SLC16A14: variants seen among roughly 807,000 people sequenced by gnomAD.
SLC16A14 encodes solute carrier family 16 member 14, also known as monocarboxylate transporter 14.
Under a neutral mutation model 35.8 loss-of-function variants are expected in SLC16A14, and 14 were observed. That is an observed-to-expected ratio of 0.39 (90% CI 0.26 to 0.61). The LOEUF (loss-of-function observed/expected upper bound fraction) is 0.61, where lower values mean the gene tolerates loss of function less well. SLC16A14 is among the 20% of genes least tolerant of loss of function. SLC16A14 has a pLI of 0.51. For synonymous variants in SLC16A14, 248 were observed against 258.9 expected, an observed-to-expected ratio of 0.96 and a Z score of 0.40; for missense variants, 533 against 655.0, an observed-to-expected ratio of 0.81 and a Z score of 2.03.
chr2:230,047,235 C>G (rs1011304835), intron 3 of SLC16A14, among the ~76,000 whole-genome samples: 1 of 152,010 alleles, frequency 6.6e-6, no homozygotes, highest in African/African-American at 2.4e-5. Flanking sequence ...CACAAAAATC[C>G]CACTGCTAGC....
chr2:230,058,055 T>C (rs2077720390), intron 2 of SLC16A14, among the ~76,000 whole-genome samples: 1 of 151,916 alleles, frequency 6.6e-6, no homozygotes, highest in South Asian at 2.1e-4. Context: ...ATCAGAACTC[T>C]GAAATGAGAT....
intron 1 of SLC16A14, among the ~76,000 whole-genome samples, chr2:230,065,510 C>T (rs1196173889): frequency 6.6e-6 from 1 of 152,160 alleles, no homozygotes; most frequent in Non-Finnish European, 1.5e-5. Context: ...CTGCCTTGGC[C>T]TCTCAAAGTG....
intron 4 of SLC16A14, among the ~76,000 whole-genome samples, chr2:230,040,912 T>G (rs2106242760): frequency 6.6e-6 from 1 of 152,294 alleles, no homozygotes; most frequent in South Asian, 2.1e-4. Context: ...ACACAACTTT[T>G]TCAGAGAGAA....
At chr2:230,045,607 T>G in intron 4 of SLC16A14, 138 bp downstream of exon 4, 4 of 935,664 alleles carry the variant, frequency 4.3e-6, no homozygotes, top group Non-Finnish European at 6.5e-6. Context: ...AATGTATAAA[T>G]GAGAAAGTAA....
At chr2:230,041,282 A>G (rs2077558310) in intron 4 of SLC16A14, among the ~76,000 whole-genome samples, 1 of 152,174 alleles carries the variant, frequency 6.6e-6, no homozygotes, top group South Asian at 2.1e-4. Flanking sequence ...AGGTTTTGCC[A>G]TATTATATAC....
chr2:230,057,052 G>A (rs955716301), intron 2 of SLC16A14, among the ~76,000 whole-genome samples: 1 of 151,960 alleles, frequency 6.6e-6, no homozygotes, highest in Non-Finnish European at 1.5e-5. Context: ...AAGATTAGAG[G>A]CCGTTTATGT....
At chr2:230,047,588 AG>A (rs1467212152) in intron 3 of SLC16A14, among the ~76,000 whole-genome samples, 1 of 152,160 alleles carries the variant, frequency 6.6e-6, no homozygotes, top group Non-Finnish European at 1.5e-5. Context: ...TACAGGTGGG[AG>A]CCACTGCTCC....
chr2:230,035,997 A>G lies in SLC16A14; in HGVS notation c.*1383T>C, dbSNP rs1407820649. Reference sequence around the variant, plus strand: ...TTCCTGCGTCTAATTGTGAAGGATAATTGAGAATGGGCTGTATTCACTTTA... The same window carrying G: ...TTCCTGCGTCTAATTGTGAAGGATAGTTGAGAATGGGCTGTATTCACTTTA... On this transcript the variant is annotated 3_prime_UTR_variant, in exon 5 of 5. Transcript: ENST00000295190. 2 of 152,622 alleles carry G rather than the reference A, an allele frequency of 1.3e-5. No homozygotes were observed. Among genetic ancestry groups the G allele is most frequent in the Non-Finnish European group, 2.9e-5 (2 of 68,024 alleles). 9.5% of individuals were successfully genotyped at this position (152,622 alleles called of 1,614,324 possible). A position where few individuals can be genotyped will look rare whatever the true frequency, so the allele number is the denominator to read the frequency against.
At chr2:230,062,095 A>G (rs997757044) in intron 1 of SLC16A14, among the ~76,000 whole-genome samples, 1 of 152,124 alleles carries the variant, frequency 6.6e-6, no homozygotes, top group African/African-American at 2.4e-5. Context: ...CAGAAGAACA[A>G]TAACATAATG....
rs551570696 is a variant in SLC16A14 at position 230,050,005 on chromosome 2, C to T, written c.260-101G>A. On this transcript the variant is annotated intron_variant, in intron 2 of 4. Coordinates refer to ENST00000295190, the MANE Select transcript of SLC16A14 (RefSeq NM_152527.5). ...GACAAAGAATAAAATGTCACTAGAG[C>T]TGTTAAATGACACAAAAAGCCCCCA... The T allele has an allele frequency of 8.7e-6, 12 of 1,379,546 alleles. No homozygotes were observed. The South Asian group carries it at 1.5e-4, about 17-fold the overall frequency. The allele number at this position is 1,379,546 out of a possible 1,614,324, so 85.5% of individuals were successfully genotyped here. A position where few individuals can be genotyped will look rare whatever the true frequency, so the allele number is the denominator to read the frequency against.
chr2:230,060,724 C>T (rs941396662), intron 1 of SLC16A14, among the ~76,000 whole-genome samples: 15 of 151,054 alleles, frequency 9.9e-5, no homozygotes, highest in African/African-American at 3.7e-4. Flanking sequence ...TGTATAAAGA[C>T]TGAGGATAAG....
In SLC16A14 at chr2:230,059,231, A is replaced by G. The variant is rs572738162; in HGVS notation, c.122T>C (p.Phe41Ser). 3.8e-5 allele frequency: 62 copies of G among 1,614,196 alleles called. No individual in the cohort carries two copies. The South Asian group carries it at 6.6e-4, about 17-fold the overall frequency. The change falls in exon 2 of 5, where the codon TTC (phenylalanine) becomes TCC (serine). Residue 41 changes from phenylalanine to serine, a missense_variant. Phe to Ser is a radical substitution (Grantham distance 155). Coordinates refer to ENST00000295190, the MANE Select transcript of SLC16A14 (RefSeq NM_152527.5). ...GCCCATGATGAGGATGTGCACAAAG[A>G]AAGAGGAGAGCACCATCATCCAAGC... ...GWAWMMVLSS[F>S]FVHILIMGSQ... is the part of the protein sequence containing the mutation.
At chr2:230,053,010 C>T (rs1162096059) in intron 2 of SLC16A14, among the ~76,000 whole-genome samples, 11 of 151,908 alleles carry the variant, frequency 7.2e-5, no homozygotes, top group Non-Finnish European at 1.5e-4. Flanking sequence ...GGTGCCATCT[C>T]GGCTCACTGC....
intron 4 of SLC16A14, among the ~76,000 whole-genome samples, chr2:230,041,652 T>C (rs977093641): frequency 5.3e-5 from 8 of 152,170 alleles, no homozygotes; most frequent in Non-Finnish European, 1.2e-4. Context: ...TTAAAGGGGT[T>C]GAACAAAATG....
chr2:230,064,795 G>GGT (rs2077779363), intron 1 of SLC16A14, among the ~76,000 whole-genome samples: 1 of 152,192 alleles, frequency 6.6e-6, no homozygotes, highest in African/African-American at 2.4e-5. Flanking sequence ...CGGATCACCT[G>GGT]AGGTCGGGAG....
Position 230,059,291 on chromosome 2 carries a change from G to A in SLC16A14, c.62C>T (p.Thr21Ile). 1.9e-6 allele frequency: 3 copies of A among 1,612,874 alleles called. No individual in the cohort carries two copies. The highest frequency in any genetic ancestry group is 2.5e-6 in the Non-Finnish European group (3 of 1,179,096). Residue 21 changes from threonine (T) to isoleucine (I), a missense_variant, in exon 2 of 5, where the codon ACA becomes ATA. Transcript: ENST00000295190. ...ATCAATGTTTGGGTGGGGCTTCAGTGTCTTTTTGTCTTTGGGGCCATCTTC... is the reference window on the plus strand; with the variant it reads ...ATCAATGTTTGGGTGGGGCTTCAGTATCTTTTTGTCTTTGGGGCCATCTTC... ...DFEDGPKDKK[T>I]LKPHPNIDGG...
rs1294247548 is a variant in SLC16A14 at position 230,036,837 on chromosome 2, T to C, written c.*543A>G. The C allele has an allele frequency of 6.6e-6, 1 of 152,224 alleles. No homozygotes were observed. The highest frequency in any genetic ancestry group is 1.5e-5 in the Non-Finnish European group (1 of 68,048). The allele number at this position is 152,224 out of a possible 1,614,324, so 9.4% of individuals were successfully genotyped here. On this transcript the variant is annotated 3_prime_UTR_variant, in exon 5 of 5. Transcript: ENST00000295190. ...AAAAATACAAGCCGTGTTTCTTTAA[T>C]TGCACTAAATTGTATTACCTGTGGA...
chr2:230,044,738 A>G (rs13407177), intron 4 of SLC16A14, among the ~76,000 whole-genome samples: 23,408 of 78,206 alleles, frequency 0.3, 2,435 homozygotes, highest in African/African-American at 0.43. Flanking sequence ...GTGTGTGTGT[A>G]TGTGTGTGTG....
In SLC16A14 at chr2:230,046,477, T is replaced by G; in HGVS notation, c.649A>C (p.Asn217His). Residue 217 changes from asparagine (N) to histidine (H), a missense_variant, in exon 4 of 5, where the codon AAC becomes CAC. Asn to His is a moderately conservative substitution (Grantham distance 68). Transcript: ENST00000295190. The surrounding 1 kb of genome is among the most constrained non-coding windows in gnomAD (Gnocchi z 5.0). ...ALMRPLSPGK[N>H]PNDPGEKDVR... ...TCTTTCTCTCCTGGGTCGTTTGGGT[T>G]TTTACCAGGAGAGAGGGGCCTCATG... is the stretch of plus-strand genomic sequence containing the variant. 6.2e-7 allele frequency: 1 copy of G among 1,614,108 alleles called. No individual in the cohort carries two copies. Among genetic ancestry groups the G allele is most frequent in the Non-Finnish European group, 8.5e-7 (1 of 1,180,008 alleles).
Sources: allele counts gnomAD v4.1 joint callset (sites outside exome capture counted in the v4.1 genomes callset), GRCh38; gene constraint gnomAD v4.1.1; non-coding constraint Gnocchi (gnomAD v3.1); transcripts MANE v1.5; gene names NCBI Gene and HGNC (gene_info 2026-07-23, HGNC 2026-07-21).